Variants in TENM3 observed in about 807,000 individuals in gnomAD.
The protein encoded by TENM3 is teneurin transmembrane protein 3, also known as teneurin-3.
A neutral mutation model predicts 255.1 loss-of-function variants in TENM3; 63 were observed. The observed-to-expected ratio is 0.25, with a 90% CI of 0.20 to 0.30. TENM3 has a LOEUF of 0.30. Among genes scored for constraint, TENM3 ranks in the 10% least tolerant of loss-of-function variants. TENM3 has a pLI of 1.00. For synonymous variants in TENM3, 1,306 were observed against 1,322.3 expected (o/e 0.99, Z 0.27); for missense variants, 2,929 against 3,461.1 (o/e 0.85, Z 3.86).
chr4:182,180,073 C>A (rs1275407770), intron 1 of TENM3, among the ~76,000 whole-genome samples: 1 of 151,440 alleles, frequency 6.6e-6, no homozygotes, highest in African/African-American at 2.4e-5. Context: ...GTTGGAATTG[C>A]ACATGCACTA....
At chr4:182,183,509 C>T (rs554496003) in intron 1 of TENM3, among the ~76,000 whole-genome samples, 8 of 152,248 alleles carry the variant, frequency 5.3e-5, no homozygotes, top group South Asian at 4.2e-4. Flanking sequence ...TTTCTACTCC[C>T]GTGAACTCAA....
At chr4:182,025,595 C>G in the TENM3 span, among the ~76,000 whole-genome samples, 1 of 152,122 alleles carries the variant, frequency 6.6e-6, no homozygotes, top group Non-Finnish European at 1.5e-5. Context: ...TGAGGCAGTT[C>G]CAAACTGTTC....
chr4:182,459,126 T>C (rs62337165), intron 3 of TENM3, among the ~76,000 whole-genome samples: 1 of 152,222 alleles, frequency 6.6e-6, no homozygotes, highest in Non-Finnish European at 1.5e-5. Flanking sequence ...TTGCTTGCCT[T>C]CCTTCACAGG....
intron 3 of TENM3, among the ~76,000 whole-genome samples, chr4:182,581,531 A>T (rs1745494858): frequency 6.6e-6 from 1 of 152,160 alleles, no homozygotes; most frequent in South Asian, 2.1e-4. Context: ...TGAGGTCAGG[A>T]GTTCAAGACC....
At chr4:181,507,858 T>C in the TENM3 span, among the ~76,000 whole-genome samples, 2 of 152,238 alleles carry the variant, frequency 1.3e-5, no homozygotes, top group African/African-American at 4.8e-5. Flanking sequence ...TCTCTCTTTT[T>C]TTCTGCACAC....
the TENM3 span, among the ~76,000 whole-genome samples, chr4:181,910,340 A>G: frequency 1.3e-5 from 2 of 151,712 alleles, no homozygotes; most frequent in Admixed American, 1.3e-4. Flanking sequence ...GCTGAGGAGG[A>G]CAGATCACGA....
chr4:181,523,519 C>G, the TENM3 span, among the ~76,000 whole-genome samples: 1 of 152,012 alleles, frequency 6.6e-6, no homozygotes, highest in Admixed American at 6.6e-5. Flanking sequence ...AAACTCAGCC[C>G]TCATTCCGTT....
At chr4:182,390,999 G>T (rs745876732) in intron 3 of TENM3, among the ~76,000 whole-genome samples, 1 of 152,060 alleles carries the variant, frequency 6.6e-6, no homozygotes, top group Non-Finnish European at 1.5e-5. Flanking sequence ...TTAATTCTGC[G>T]CACCAATCCC....
At chr4:181,464,899 C>T in the TENM3 span, among the ~76,000 whole-genome samples, 1 of 151,962 alleles carries the variant, frequency 6.6e-6, no homozygotes, top group African/African-American at 2.4e-5. Context: ...TGCAGTGAGC[C>T]GAGATGGTGC....
chr4:182,084,695 T>C, the TENM3 span, among the ~76,000 whole-genome samples: 12 of 152,280 alleles, frequency 7.9e-5, no homozygotes, highest in Non-Finnish European at 1.5e-4. Flanking sequence ...CATTAAAAAA[T>C]GAAGAATGTA....
the TENM3 span, among the ~76,000 whole-genome samples, chr4:181,923,040 C>T: frequency 2.6e-5 from 4 of 152,208 alleles, no homozygotes; most frequent in East Asian, 1.9e-4. Context: ...TGTAGTTGAG[C>T]GGCTTTGAGT....
chr4:182,107,730 G>A, the TENM3 span, among the ~76,000 whole-genome samples: 1 of 152,120 alleles, frequency 6.6e-6, no homozygotes, highest in Non-Finnish European at 1.5e-5. Flanking sequence ...GTGAGTTGAA[G>A]AAAATCTACT....
chr4:182,701,262 C>T (rs974920505), intron 12 of TENM3, among the ~76,000 whole-genome samples: 6 of 103,614 alleles, frequency 5.8e-5, no homozygotes, highest in Non-Finnish European at 8.9e-5. Context: ...GCTCTGTTGC[C>T]CAGGCTGGAG....
chr4:182,306,904 G>A (rs962559674), intron 1 of TENM3, among the ~76,000 whole-genome samples: 1 of 152,110 alleles, frequency 6.6e-6, no homozygotes, highest in African/African-American at 2.4e-5. Flanking sequence ...CAATTTAAAA[G>A]GCCTGCAGGC....
intron 12 of TENM3, among the ~76,000 whole-genome samples, chr4:182,701,136 G>T (rs541364449): frequency 4.4e-4 from 66 of 148,578 alleles, no homozygotes; most frequent in Non-Finnish European, 8.0e-4. Flanking sequence ...AATGACATAA[G>T]GTATTCATTA....
At chr4:182,107,814 A>G in the TENM3 span, among the ~76,000 whole-genome samples, 1 of 152,218 alleles carries the variant, frequency 6.6e-6, no homozygotes, top group African/African-American at 2.4e-5. Flanking sequence ...GGGTTCAGTC[A>G]GAGCCACTGT....
the TENM3 span, among the ~76,000 whole-genome samples, chr4:181,510,044 C>T: frequency 6.6e-6 from 1 of 152,196 alleles, no homozygotes; most frequent in Non-Finnish European, 1.5e-5. Flanking sequence ...CTCTTTAGAG[C>T]TTAGCACCGT....
the TENM3 span, among the ~76,000 whole-genome samples, chr4:182,078,426 G>C: frequency 2.1e-4 from 32 of 152,262 alleles, no homozygotes; most frequent in African/African-American, 7.7e-4. Flanking sequence ...GGAGGCTGAG[G>C]CAGGGGAATC....
intron 1 of TENM3, among the ~76,000 whole-genome samples, chr4:182,160,277 C>G (rs919461993): frequency 2.6e-5 from 4 of 152,100 alleles, no homozygotes; most frequent in African/African-American, 7.2e-5. Flanking sequence ...GCTGGGATTA[C>G]AGGCGTGAGC....
Sources: allele counts gnomAD v4.1 joint callset (sites outside exome capture counted in the v4.1 genomes callset), GRCh38; gene constraint gnomAD v4.1.1; transcripts MANE v1.5; gene names NCBI Gene and HGNC (gene_info 2026-07-23, HGNC 2026-07-21).